Variants in IQCJ observed in about 807,000 individuals in gnomAD.
The protein encoded by IQCJ is IQ domain-containing protein J.
In IQCJ, 9 loss-of-function variants were observed where a neutral mutation model predicts 11.0. The observed-to-expected ratio is 0.82, with a 90% CI of 0.49 to 1.43. The LOEUF (loss-of-function observed/expected upper bound fraction) is 1.43. Ranked by LOEUF, IQCJ falls within the 40% of genes most tolerant of loss-of-function variation. The pLI is 0.00. For synonymous variants in IQCJ, 55 were observed against 51.3 expected, an observed-to-expected ratio of 1.07 and a Z score of -0.31; for missense variants, 146 against 133.2, an observed-to-expected ratio of 1.10 and a Z score of -0.47.
chr3:159,253,936 T>C (rs891601353), intron 3 of IQCJ, among the ~76,000 whole-genome samples: 1 of 152,226 alleles, frequency 6.6e-6, no homozygotes, highest in Non-Finnish European at 1.5e-5. Flanking sequence ...AGTAAAAAGC[T>C]TGCCTCTGCA....
At chr3:159,122,966 C>T (rs1719465111) in intron 1 of IQCJ, among the ~76,000 whole-genome samples, 1 of 152,072 alleles carries the variant, frequency 6.6e-6, no homozygotes, top group South Asian at 2.1e-4. Context: ...TGGTTTTTCT[C>T]TTATTTGAAC....
chr3:159,244,066 G>A lies in IQCJ; in HGVS notation c.10-1777G>A, dbSNP rs373669642. Among the ~76,000 whole-genome samples the A allele has an allele frequency of 3.9e-5, 6 of 152,370 alleles. No individual in the cohort carries two copies. The East Asian group carries it at 1.2e-3, about 29-fold the overall frequency. ...AAATGAGGAAGAAGCAGTGAAGAAG[G>A]AGGCTTGGGTAGGAGGGTATGAGCA... On this transcript the variant is annotated intron_variant, in intron 1 of 3. Coordinates refer to ENST00000397832, the MANE Select transcript of IQCJ (RefSeq NM_001042706.3).
intron 1 of IQCJ, among the ~76,000 whole-genome samples, chr3:159,216,127 A>T (rs1003752518): frequency 2.0e-5 from 3 of 148,240 alleles, no homozygotes; most frequent in Non-Finnish European, 4.5e-5. Flanking sequence ...GAAAGAATTG[A>T]GGCTCTTATG....
chr3:159,162,769 C>G (rs1721941853), intron 1 of IQCJ, among the ~76,000 whole-genome samples: 1 of 152,170 alleles, frequency 6.6e-6, no homozygotes, highest in Non-Finnish European at 1.5e-5. Context: ...GAAATACAAA[C>G]TACCGTCAGA....
At chr3:159,176,994 A>G (rs79856593) in intron 1 of IQCJ, among the ~76,000 whole-genome samples, 5,897 of 152,238 alleles carry the variant, frequency 0.039, 372 homozygotes, top group African/African-American at 0.14. Context: ...AAACACTACT[A>G]GGTAGTTCAG....
Position 159,233,990 on chromosome 3 carries a change from T to A in IQCJ, c.10-11853T>A, listed in dbSNP as rs1224220543. Among the ~76,000 whole-genome samples the A allele has an allele frequency of 2.6e-5, 4 of 152,118 alleles. No individual in the cohort carries two copies. The East Asian group carries it at 5.8e-4, about 22-fold the overall frequency. ...ATAAATCCGAGCAGTTTGCAGAACATTACAACTTCTTTACAAATGCCATGA... is the reference window on the plus strand; with the variant it reads ...ATAAATCCGAGCAGTTTGCAGAACAATACAACTTCTTTACAAATGCCATGA... On this transcript the variant is annotated intron_variant, in intron 1 of 3. Coordinates refer to ENST00000397832, the MANE Select transcript of IQCJ (RefSeq NM_001042706.3).
intron 1 of IQCJ, among the ~76,000 whole-genome samples, chr3:159,119,237 A>G (rs1221453106): frequency 6.6e-6 from 1 of 152,194 alleles, no homozygotes; most frequent in African/African-American, 2.4e-5. Context: ...AGAATAATCA[A>G]TTAGCCTAGG....
At chr3:159,261,534 G>T (rs1728207574) in intron 3 of IQCJ, among the ~76,000 whole-genome samples, 1 of 152,186 alleles carries the variant, frequency 6.6e-6, no homozygotes, top group South Asian at 2.1e-4. Context: ...TTCTCAGGAG[G>T]TCTGGTGCTT....
At chr3:159,115,854 A>T (rs1718958272) in intron 1 of IQCJ, among the ~76,000 whole-genome samples, 1 of 152,182 alleles carries the variant, frequency 6.6e-6, no homozygotes, top group Non-Finnish European at 1.5e-5. Flanking sequence ...GTGGGAGCTG[A>T]ACAATGAGAA....
chr3:159,113,102 T>C (rs1718737179), intron 1 of IQCJ, among the ~76,000 whole-genome samples: 2 of 152,208 alleles, frequency 1.3e-5, no homozygotes, highest in Admixed American at 1.3e-4. Flanking sequence ...AACTCAGGTT[T>C]GATTTGAAGT....
Position 159,069,325 on chromosome 3 carries a change from G to A in IQCJ, c.-108G>A, listed in dbSNP as rs968468811. ...CTCAAAGGTTTCCAGCCTCACACTC[G>A]CCTCACATTCCCCCACAGTCACATT... is the stretch of plus-strand genomic sequence containing the variant. On this transcript the variant is annotated 5_prime_UTR_variant, in exon 1 of 4. Transcript: ENST00000397832. The A allele has an allele frequency of 7.0e-6, 10 of 1,431,250 alleles. No individual in the cohort carries two copies. Among genetic ancestry groups the A allele is most frequent in the East Asian group, 4.9e-5 (2 of 40,804 alleles). 88.7% of individuals were successfully genotyped at this position (1,431,250 alleles called of 1,614,324 possible).
intron 1 of IQCJ, among the ~76,000 whole-genome samples, chr3:159,211,731 T>C (rs1333053863): frequency 2.0e-5 from 3 of 152,146 alleles, no homozygotes; most frequent in Non-Finnish European, 2.9e-5. Context: ...AGATGAGTAG[T>C]GTAGAAGAAA....
At chr3:159,264,871 T>C (rs1728412152), downstream of IQCJ, among the ~76,000 whole-genome samples, 1 of 150,806 alleles carries the variant, frequency 6.6e-6, no homozygotes, top group Non-Finnish European at 1.5e-5. Flanking sequence ...GAGCCGAGAT[T>C]GCGCCACTGC....
chr3:159,087,312 T>G (rs369373211), intron 1 of IQCJ, among the ~76,000 whole-genome samples: 4 of 151,460 alleles, frequency 2.6e-5, no homozygotes, highest in Admixed American at 2.0e-4. Context: ...CTGCTGGATT[T>G]GTTTTGCCAG....
At chr3:159,082,375 A>G (rs1324087785) in intron 1 of IQCJ, among the ~76,000 whole-genome samples, 1 of 150,486 alleles carries the variant, frequency 6.6e-6, no homozygotes, top group Non-Finnish European at 1.5e-5. Context: ...GCCCTATTTT[A>G]CAGATGAAAA....
chr3:159,174,055 C>G (rs1402528137), intron 1 of IQCJ, among the ~76,000 whole-genome samples: 3 of 151,988 alleles, frequency 2.0e-5, no homozygotes, highest in Non-Finnish European at 1.5e-5. Flanking sequence ...AAAATGTTAT[C>G]TCATAACATT....
intron 2 of IQCJ, among the ~76,000 whole-genome samples, chr3:159,247,638 C>CT (rs770943810): frequency 1.3e-4 from 20 of 152,144 alleles, no homozygotes; most frequent in Non-Finnish European, 2.6e-4. Context: ...GAATGAGGGT[C>CT]TTAGGACTCT....
chr3:159,230,007 C>T (rs984951724), intron 1 of IQCJ, among the ~76,000 whole-genome samples: 1 of 149,478 alleles, frequency 6.7e-6, no homozygotes. Flanking sequence ...AGCATACTAA[C>T]CAATAGGTAC....
At chr3:159,143,928 C>A (rs988002427) in intron 1 of IQCJ, among the ~76,000 whole-genome samples, 27 of 152,264 alleles carry the variant, frequency 1.8e-4, no homozygotes, top group African/African-American at 6.3e-4. Context: ...TCCAAGATGG[C>A]ATTTGGGATG....
Sources: allele counts gnomAD v4.1 joint callset (sites outside exome capture counted in the v4.1 genomes callset), GRCh38; gene constraint gnomAD v4.1.1; transcripts MANE v1.5; gene names NCBI Gene and HGNC (gene_info 2026-07-23, HGNC 2026-07-21).